Variants in PITPNC1 observed in about 807,000 individuals in gnomAD.
The protein encoded by PITPNC1 is phosphatidylinositol transfer protein cytoplasmic 1.
PITPNC1 carries 18 observed loss-of-function variants against 44.7 expected under a neutral mutation model. The observed-to-expected ratio is 0.40, with a 90% CI of 0.28 to 0.60. The LOEUF is 0.60. PITPNC1 is among the 20% of genes least tolerant of loss of function. The pLI is 0.39. For synonymous variants in PITPNC1, 141 were observed against 149.6 expected, an observed-to-expected ratio of 0.94 and a Z score of 0.42; for missense variants, 290 against 418.4, an observed-to-expected ratio of 0.69 and a Z score of 2.68.
chr17:67,601,575 A>AC (rs1400482983), intron 5 of PITPNC1, among the ~76,000 whole-genome samples: 1 of 151,628 alleles, frequency 6.6e-6, no homozygotes, highest in African/African-American at 2.4e-5. Flanking sequence ...ACATAGTGAG[A>AC]CCCCATCTCT....
intron 5 of PITPNC1, among the ~76,000 whole-genome samples, chr17:67,605,445 G>C (rs555711750): frequency 6.6e-6 from 1 of 152,286 alleles, no homozygotes; most frequent in East Asian, 1.9e-4. Flanking sequence ...AGCTTGCTCC[G>C]GCCTGTGGCG....
At chr17:67,483,918 CT>C (rs60856668) in intron 1 of PITPNC1, among the ~76,000 whole-genome samples, 6,295 of 111,502 alleles carry the variant, frequency 0.056, 114 homozygotes, top group Middle Eastern at 0.1. Flanking sequence ...CGTTTTCTTT[CT>C]TTTTTTTTTT....
chr17:67,481,599 A>G (rs1458451545), intron 1 of PITPNC1, among the ~76,000 whole-genome samples: 1 of 152,114 alleles, frequency 6.6e-6, no homozygotes. Context: ...TTGGCCTCCC[A>G]AAGTGGGATT....
intron 1 of PITPNC1, among the ~76,000 whole-genome samples, chr17:67,385,253 G>A (rs2038024497): frequency 6.6e-6 from 1 of 152,090 alleles, no homozygotes; most frequent in African/African-American, 2.4e-5. Context: ...GCACCAATCA[G>A]GTCTCTGTGG....
At chr17:67,394,120 G>A (rs1484435545) in intron 1 of PITPNC1, among the ~76,000 whole-genome samples, 3 of 151,956 alleles carry the variant, frequency 2.0e-5, no homozygotes, top group Non-Finnish European at 4.4e-5. Flanking sequence ...TTACAAGCGT[G>A]AGCCACCATG....
chr17:67,423,106 T>C (rs73996713), intron 1 of PITPNC1, among the ~76,000 whole-genome samples: 2,513 of 152,270 alleles, frequency 0.017, 57 homozygotes, highest in African/African-American at 0.053. Flanking sequence ...TGATTCTTCA[T>C]GGAGGAGTGC....
At chr17:67,446,351 G>A (rs1004559556) in intron 1 of PITPNC1, among the ~76,000 whole-genome samples, 1 of 151,306 alleles carries the variant, frequency 6.6e-6, no homozygotes, top group Non-Finnish European at 1.5e-5. Context: ...TAAAATTAAG[G>A]TACAACCGAT....
In PITPNC1 at chr17:67,508,059, C is replaced by T. The variant is rs73350002; in HGVS notation, c.49-24743C>T. 4.5e-3 allele frequency among the ~76,000 whole-genome samples: 692 copies of T among 152,328 alleles called. 3 individuals carry two copies. Among genetic ancestry groups the T allele is most frequent in the African/African-American group, 0.016 (652 of 41,582 alleles). ...TTTCCAAAGCCTGCTCCTCCTCCTT[C>T]TATATTTAATTCCCAAGAGTAATCT... On this transcript the variant is annotated intron_variant, in intron 1 of 8. Coordinates refer to ENST00000581322, the MANE Select transcript of PITPNC1 (RefSeq NM_012417.4). The surrounding 1 kb of genome is among the most constrained non-coding windows in gnomAD (Gnocchi z 4.2).
intron 1 of PITPNC1, among the ~76,000 whole-genome samples, chr17:67,411,145 C>T (rs1412482746): frequency 6.6e-6 from 1 of 151,404 alleles, no homozygotes; most frequent in Non-Finnish European, 1.5e-5. Flanking sequence ...GGGAGTGCTT[C>T]CTTTTCTTGG....
At chr17:67,405,486 T>A (rs1194665581) in intron 1 of PITPNC1, among the ~76,000 whole-genome samples, 1 of 152,146 alleles carries the variant, frequency 6.6e-6, no homozygotes, top group Admixed American at 6.6e-5. Flanking sequence ...ATATTGCTGT[T>A]CAAAAATTTT....
chr17:67,511,362 CTAGGT>C (rs2040182478), intron 1 of PITPNC1, among the ~76,000 whole-genome samples: 1 of 152,146 alleles, frequency 6.6e-6, no homozygotes, highest in Non-Finnish European at 1.5e-5. Context: ...GGATAAATTC[CTAGGT>C]AGAGTAGCTA....
chr17:67,485,527 G>T (rs2039766818), intron 1 of PITPNC1, among the ~76,000 whole-genome samples: 1 of 151,814 alleles, frequency 6.6e-6, no homozygotes, highest in African/African-American at 2.4e-5. Flanking sequence ...ACCACCCCTG[G>T]CTAATTTTTG....
chr17:67,559,264 G>A (rs1395156753), intron 4 of PITPNC1, among the ~76,000 whole-genome samples: 3 of 152,110 alleles, frequency 2.0e-5, no homozygotes, highest in Non-Finnish European at 4.4e-5. Flanking sequence ...GGAAGATTAT[G>A]TTTATTATAC....
At chr17:67,403,299 A>G (rs566774983) in intron 1 of PITPNC1, among the ~76,000 whole-genome samples, 3 of 151,476 alleles carry the variant, frequency 2.0e-5, no homozygotes, top group Non-Finnish European at 4.4e-5. Flanking sequence ...TAGAAATGAA[A>G]CCCTCAATTA....
At chr17:67,686,304 C>A (rs1045865198) in intron 8 of PITPNC1, among the ~76,000 whole-genome samples, 2 of 149,598 alleles carry the variant, frequency 1.3e-5, no homozygotes, top group African/African-American at 5.0e-5. Context: ...CTAGTTCTAA[C>A]AACCAAAAAT....
At chr17:67,437,972 G>C (rs1306615937) in intron 1 of PITPNC1, among the ~76,000 whole-genome samples, 1 of 152,038 alleles carries the variant, frequency 6.6e-6, no homozygotes, top group Non-Finnish European at 1.5e-5. Flanking sequence ...GGGAGGCCAA[G>C]GCAGAGAATT....
At chr17:67,400,446 T>G (rs771372803) in intron 1 of PITPNC1, among the ~76,000 whole-genome samples, 3 of 152,358 alleles carry the variant, frequency 2.0e-5, no homozygotes, top group Non-Finnish European at 4.4e-5. Context: ...AAAACTATTT[T>G]GCGAAGAAGT....
At chr17:67,625,018 C>G (rs1294431480) in intron 5 of PITPNC1, among the ~76,000 whole-genome samples, 1 of 152,058 alleles carries the variant, frequency 6.6e-6, no homozygotes, top group Non-Finnish European at 1.5e-5. Context: ...TTTCTAGGTT[C>G]ATATTTAAAG....
At chr17:67,547,871 G>A (rs1012802370) in intron 2 of PITPNC1, among the ~76,000 whole-genome samples, 1 of 152,202 alleles carries the variant, frequency 6.6e-6, no homozygotes. Flanking sequence ...CGGGAACCTT[G>A]GGGAATTTAT....
Sources: gnomAD v4.1 joint callset for allele counts (sites outside exome capture counted in the v4.1 genomes callset) on GRCh38, gnomAD v4.1.1 for gene constraint, Gnocchi (gnomAD v3.1) non-coding constraint, MANE v1.5 for transcripts, NCBI Gene and HGNC (gene_info 2026-07-23, HGNC 2026-07-21) for gene names.